Variants in ADAMTS13 observed in about 807,000 individuals in gnomAD.
ADAMTS13 encodes the protein ADAM metallopeptidase with thrombospondin type 1 motif 13, also known as A disintegrin and metalloproteinase with thrombospondin motifs 13.
Under a neutral mutation model 155.1 loss-of-function variants are expected in ADAMTS13, and 110 were observed. The observed-to-expected ratio is 0.71, with a 90% confidence interval of 0.61 to 0.83. The LOEUF is 0.83. ADAMTS13 is among the 40% of genes least tolerant of loss of function. The pLI is 0.00. For missense variants in ADAMTS13, 1,707 were observed against 1,891.7 expected (o/e 0.90, Z 1.81); for synonymous variants, 758 against 756.4 (o/e 1.00, Z -0.03).
intron 15 of ADAMTS13, 122 bp downstream of exon 15, chr9:133,439,568 A>G (rs1378060718): frequency 3.5e-6 from 3 of 845,784 alleles, no homozygotes; most frequent in African/African-American, 1.7e-5. Flanking sequence ...AACCACCCTC[A>G]GGCTTGATAG....
chr9:133,417,652 C>T, upstream of ADAMTS13: 1 of 1,614,036 alleles, frequency 6.2e-7, no homozygotes. Context: ...TGAGAAAAGT[C>T]TTCTGGTGCC....
chr9:133,457,842 G>A, intron 27 of ADAMTS13, 68 bp from the exon 28 acceptor site: 1 of 1,598,764 alleles, frequency 6.3e-7, no homozygotes, highest in Non-Finnish European at 8.6e-7. Context: ...CTCCCTGGCT[G>A]TGAGTTGTCC....
intron 23 of ADAMTS13, among the ~76,000 whole-genome samples, chr9:133,453,263 T>C (rs928910142): frequency 7.9e-5 from 12 of 152,118 alleles, no homozygotes; most frequent in Non-Finnish European, 1.6e-4. Flanking sequence ...GGTGAAACCC[T>C]GTCTCTACTA....
intron 23 of ADAMTS13, among the ~76,000 whole-genome samples, chr9:133,452,384 T>C (rs587593810): frequency 2.0e-5 from 3 of 152,174 alleles, no homozygotes; most frequent in Non-Finnish European, 2.9e-5. Flanking sequence ...GCTTTTTTTT[T>C]CTAGCTATTC....
chr9:133,419,111 A>G (rs891394968), upstream of ADAMTS13, among the ~76,000 whole-genome samples: 8 of 152,096 alleles, frequency 5.3e-5, no homozygotes, highest in African/African-American at 1.9e-4. Flanking sequence ...AAGCGCTGGG[A>G]TTACAGGTGT....
Position 133,455,278 on chromosome 9 carries a change from T to A in ADAMTS13, c.3250-7T>A. 6.2e-7 allele frequency: 1 copy of A among 1,601,062 alleles called. No individual in the cohort carries two copies. Among genetic ancestry groups the A allele is most frequent in the Non-Finnish European group, 8.5e-7 (1 of 1,179,932 alleles). On this transcript the variant is annotated splice_region_variant and splice_polypyrimidine_tract_variant and intron_variant, in intron 24 of 28. Coordinates refer to ENST00000355699, the MANE Select transcript of ADAMTS13 (RefSeq NM_139027.6). ...CAGCTGTGACTCCTCCTCCCCTCTCTTGGCAGTGCTCTGTTTCCTGTGGGG... is the reference window on the plus strand; with the variant it reads ...CAGCTGTGACTCCTCCTCCCCTCTCATGGCAGTGCTCTGTTTCCTGTGGGG...
intron 1 of ADAMTS13, among the ~76,000 whole-genome samples, chr9:133,422,751 C>T (rs782572803): frequency 5.9e-5 from 9 of 152,104 alleles, no homozygotes; most frequent in South Asian, 4.1e-4. Flanking sequence ...CCTGCTCATT[C>T]GGTGAAGCTG....
chr9:133,452,370 T>C (rs1208212359), intron 23 of ADAMTS13, among the ~76,000 whole-genome samples: 1 of 152,076 alleles, frequency 6.6e-6, no homozygotes, highest in South Asian at 2.1e-4. Flanking sequence ...GTTCTGTTTT[T>C]TGTGCTTTTT....
At chr9:133,433,228 A>T (rs1416790183) in intron 9 of ADAMTS13, 150 bp from the exon 10 acceptor site, 15 of 1,014,618 alleles carry the variant, frequency 1.5e-5, no homozygotes, top group East Asian at 9.8e-5. Flanking sequence ...CCTATGGGTG[A>T]GTTCCTTGTG....
Position 133,445,033 on chromosome 9 carries a change from G to C in ADAMTS13, c.2591G>C (p.Cys864Ser). The change falls in exon 20 of 29, where the codon TGT becomes TCT. Residue 864 changes from cysteine (C) to serine (S), a missense_variant. Transcript: ENST00000355699. This position sits in a 1 kb window ranked among gnomAD's most constrained non-coding sequence, Gnocchi z 5.0. Reference sequence around the variant, plus strand: ...CCTGAGCCCTGTGTCGGGATGTCATGTCCTCCAGGCTGGGGCCATGTGAGT... The same window carrying C: ...CCTGAGCCCTGTGTCGGGATGTCATCTCCTCCAGGCTGGGGCCATGTGAGT... Reference protein sequence around the residue: ...PAPEPCVGMSCPPGWGHLDAT... With the variant: ...PAPEPCVGMSSPPGWGHLDAT... The C allele has an allele frequency of 6.2e-7, 1 of 1,613,204 alleles. No homozygotes were observed. Among genetic ancestry groups the C allele is most frequent in the Non-Finnish European group, 8.5e-7 (1 of 1,179,966 alleles).
intron 16 of ADAMTS13, 133 bp from the exon 17 acceptor site, chr9:133,442,266 T>C (rs985333689): frequency 5.0e-5 from 71 of 1,416,266 alleles, no homozygotes; most frequent in Non-Finnish European, 8.9e-6. Flanking sequence ...CTACCGTGCC[T>C]GGCCAGTGAT....
chr9:133,454,370 C>T (rs1283340629), intron 23 of ADAMTS13, 45 bp from the exon 24 acceptor site: 26 of 1,607,620 alleles, frequency 1.6e-5, no homozygotes, highest in Middle Eastern at 3.3e-4. Flanking sequence ...GCAGTACTGT[C>T]TCTGGGGAGA....
chr9:133,433,619 C>T (rs781994346), intron 10 of ADAMTS13, 22 bp from the exon 11 acceptor site: 8 of 1,613,982 alleles, frequency 5.0e-6, no homozygotes, highest in Non-Finnish European at 6.8e-6. Flanking sequence ...CTCTCACCCT[C>T]CTGTCTGCTG....
Position 133,432,695 on chromosome 9 carries a change from C to A in ADAMTS13, c.1092+3C>A. ...GGACAGAATGTGGCGTGGAGAAGGT[C>A]AGAGCCAAGAGTGAATGAGTGGGCT... is the stretch of plus-strand genomic sequence containing the variant. On this transcript the variant is annotated splice_donor_region_variant and intron_variant, in intron 9 of 28. Transcript: ENST00000355699. 1 of 1,554,204 alleles carries A rather than the reference C, an allele frequency of 6.4e-7. No homozygotes were observed. Among genetic ancestry groups the A allele is most frequent in the South Asian group, 1.2e-5 (1 of 84,378 alleles).
At chr9:133,420,824 A>AT (rs1839923173), upstream of ADAMTS13, among the ~76,000 whole-genome samples, 1 of 152,236 alleles carries the variant, frequency 6.6e-6, no homozygotes, top group Non-Finnish European at 1.5e-5. Context: ...CCTTTTAAAG[A>AT]TCAATTTCAA....
intron 8 of ADAMTS13, among the ~76,000 whole-genome samples, chr9:133,430,693 C>CTTTTTTT (rs1220627976): frequency 7.2e-6 from 1 of 139,692 alleles, no homozygotes. Context: ...TTTTTTTTTC[C>CTTTTTTT]TATTTTTTTT....
intron 21 of ADAMTS13, among the ~76,000 whole-genome samples, chr9:133,448,282 T>A (rs1842205396): frequency 6.6e-6 from 1 of 152,252 alleles, no homozygotes; most frequent in Non-Finnish European, 1.5e-5. Context: ...CTGGCCCATA[T>A]TGCAATTCTT....
chr9:133,432,683 C>T lies in ADAMTS13; in HGVS notation c.1083C>T (p.Gly361=), dbSNP rs587606690. The change falls in exon 9 of 29, where the codon GGC becomes GGT. Residue 361 remains glycine, a synonymous_variant. Coordinates refer to ENST00000355699, the MANE Select transcript of ADAMTS13 (RefSeq NM_139027.6). The stretch of plus-strand genomic sequence containing the variant: ...CTCTCCTGGATGGGACAGAATGTGG[C>T]GTGGAGAAGGTCAGAGCCAAGAGTG... ...LVPLLDGTEC[G]VEKWCSKGRC... The T allele has an allele frequency of 1.7e-5, 27 of 1,557,030 alleles. No individual in the cohort carries two copies. The highest frequency in any genetic ancestry group is 4.1e-5 in the African/African-American group (3 of 73,800).
chr9:133,414,838 A>G (rs2130734951), intron 1 of ADAMTS13: 1 of 1,614,156 alleles, frequency 6.2e-7, no homozygotes, highest in East Asian at 2.2e-5. Context: ...TGGAACCTGA[A>G]GGAACAGAGC....
Sources: gnomAD v4.1 joint callset for allele counts (sites outside exome capture counted in the v4.1 genomes callset) on GRCh38, gnomAD v4.1.1 for gene constraint, Gnocchi (gnomAD v3.1) non-coding constraint, MANE v1.5 for transcripts, NCBI Gene and HGNC (gene_info 2026-07-23, HGNC 2026-07-21) for gene names.